Variants in PCNX2 observed in about 807,000 individuals in gnomAD.
The protein encoded by PCNX2 is pecanex-like protein 2.
In PCNX2, 168 loss-of-function variants were observed where a neutral mutation model predicts 223.8. The observed-to-expected ratio is 0.75, with a 90% CI of 0.66 to 0.85. The LOEUF (loss-of-function observed/expected upper bound fraction) is 0.85, where lower values mean the gene tolerates loss of function less well. Among genes scored for constraint, PCNX2 ranks in the 40% least tolerant of loss-of-function variants. The probability of loss-of-function intolerance (pLI) is 0.00; values close to 1 mark genes in which losing one functional copy is unlikely to be tolerated. For synonymous variants in PCNX2, 1,006 were observed against 1,052.6 expected (o/e 0.96, Z 0.86); for missense variants, 2,507 against 2,675.5 (o/e 0.94, Z 1.39).
At chr1:233,070,054 A>G (rs1167700762) in intron 23 of PCNX2, among the ~76,000 whole-genome samples, 1 of 152,192 alleles carries the variant, frequency 6.6e-6, no homozygotes, top group Admixed American at 6.5e-5. Flanking sequence ...GCCAGTATCA[A>G]AAAGATAATA....
rs542476982 is a variant in PCNX2, at chr1:233,000,041, C to G, written c.5328+264G>C. On this transcript the variant is annotated intron_variant, in intron 30 of 33. Coordinates refer to ENST00000258229, the MANE Select transcript of PCNX2 (RefSeq NM_014801.4). This position sits in a 1 kb window ranked among gnomAD's most constrained non-coding sequence, Gnocchi z 4.6. ...TCCTGACTCTCACTTACATGTGTGT[C>G]TACTGGGTCTTCTTGGCAAAGTCTG... is the stretch of plus-strand genomic sequence containing the variant. Among the ~76,000 whole-genome samples the G allele has an allele frequency of 5.9e-5, 9 of 152,302 alleles. No individual in the cohort carries two copies. In the South Asian group the frequency reaches 1.7e-3, roughly 28 times the overall value.
chr1:233,055,252 G>A (rs2102877215), intron 24 of PCNX2, among the ~76,000 whole-genome samples: 1 of 152,188 alleles, frequency 6.6e-6, no homozygotes, highest in East Asian at 1.9e-4. Context: ...GTGATTGAGA[G>A]CTCTAATTCT....
chr1:233,057,906 G>A, intron 23 of PCNX2: 1 of 984,852 alleles, frequency 1.0e-6, no homozygotes, highest in Non-Finnish European at 1.2e-6. Flanking sequence ...CCCACTTTCA[G>A]AACTTGAGAA....
At position 233,177,693 on chromosome 1, in the gene PCNX2, T is replaced by G. The variant is rs1572025570; in HGVS notation, c.3273+109A>C. On this transcript the variant is annotated intron_variant, in intron 17 of 33. Transcript: ENST00000258229. ...CCAGGTACCAAGCGAGGTGTATCTT[T>G]CTGTCCTAGTCCTTCTCATGTCCAC... 31 of 894,490 alleles carry G rather than the reference T, an allele frequency of 3.5e-5. No individual in the cohort carries two copies. In the East Asian group the frequency reaches 7.7e-4, roughly 22 times the overall value. The allele number at this position is 894,490 out of a possible 1,614,324, so 55.4% of individuals were successfully genotyped here. A position where few individuals can be genotyped will look rare whatever the true frequency, so the allele number is the denominator to read the frequency against.
chr1:233,295,882 C>A (rs146092622), upstream of PCNX2, among the ~76,000 whole-genome samples: 641 of 152,124 alleles, frequency 4.2e-3, 1 homozygote, highest in Non-Finnish European at 7.7e-3. The surrounding 1 kb of genome is among the most constrained non-coding windows in gnomAD (Gnocchi z 4.1). Context: ...CTTTTTCTCT[C>A]TTTCTTTCTC....
At chr1:233,298,197 AACACACAAGCAGGAC>A (rs985960082), upstream of PCNX2, among the ~76,000 whole-genome samples, 6 of 152,150 alleles carry the variant, frequency 3.9e-5, no homozygotes, top group Non-Finnish European at 8.8e-5. Flanking sequence ...ACAAGGATTA[AACACACAAGCAGGAC>A]AAAAGAGGGA....
intron 19 of PCNX2, among the ~76,000 whole-genome samples, chr1:233,141,665 T>TC (rs1265334030): frequency 6.6e-6 from 1 of 151,852 alleles, no homozygotes; most frequent in East Asian, 1.9e-4. Context: ...AGAGAGAGAC[T>TC]CCATCTCAGA....
At chr1:233,014,854 A>G in intron 27 of PCNX2, 77 bp from the exon 28 acceptor site, 2 of 1,214,498 alleles carry the variant, frequency 1.6e-6, no homozygotes, top group Non-Finnish European at 2.4e-6. Flanking sequence ...ATGTAGAGTG[A>G]CATTGGCTTT....
rs114154868 is a variant in PCNX2, at chr1:233,227,138, G to A, written c.2504+88C>T. On this transcript the variant is annotated intron_variant, in intron 10 of 33. Coordinates refer to ENST00000258229, the MANE Select transcript of PCNX2 (RefSeq NM_014801.4). ...GCGTACAACTTGAAAATGTGCAAGT[G>A]ACAATGTTCTCTTTGAAAGCATGCA... 1,613 of 1,385,872 alleles carry A rather than the reference G, an allele frequency of 1.2e-3. 14 individuals carry two copies. The African/African-American group carries it at 0.02, about 17-fold the overall frequency. 85.8% of individuals were successfully genotyped at this position (1,385,872 alleles called of 1,614,324 possible).
At chr1:233,306,983 T>C in the PCNX2 span, among the ~76,000 whole-genome samples, 6 of 152,208 alleles carry the variant, frequency 3.9e-5, no homozygotes, top group Non-Finnish European at 7.3e-5. Context: ...TAAAAAGATA[T>C]ATATTATGGT....
chr1:233,098,355 C>A (rs1242672818), intron 21 of PCNX2, among the ~76,000 whole-genome samples: 2 of 152,148 alleles, frequency 1.3e-5, no homozygotes, highest in Non-Finnish European at 2.9e-5. Flanking sequence ...TTAAATGAAT[C>A]CATTACAATT....
At chr1:233,210,281 A>C (rs2102914698) in intron 12 of PCNX2, among the ~76,000 whole-genome samples, 1 of 151,966 alleles carries the variant, frequency 6.6e-6, no homozygotes, top group African/African-American at 2.4e-5. Flanking sequence ...AGGCACACAA[A>C]CCACTTTTTT....
chr1:233,076,547 G>A (rs1026481767), intron 23 of PCNX2, among the ~76,000 whole-genome samples: 2 of 152,112 alleles, frequency 1.3e-5, no homozygotes, highest in African/African-American at 2.4e-5. Context: ...GGGATTTGGC[G>A]TTAATAAAAT....
At chr1:233,111,602 C>T (rs897656691) in intron 21 of PCNX2, among the ~76,000 whole-genome samples, 12 of 152,044 alleles carry the variant, frequency 7.9e-5, no homozygotes, top group Non-Finnish European at 1.6e-4. Flanking sequence ...TGGAGTCTCC[C>T]TATGTTGTCC....
At chr1:233,081,358 A>T (rs1673352110) in intron 23 of PCNX2, among the ~76,000 whole-genome samples, 1 of 151,442 alleles carries the variant, frequency 6.6e-6, no homozygotes, top group Non-Finnish European at 1.5e-5. Flanking sequence ...AAATAAAAAA[A>T]TAAAAATAAA....
chr1:233,156,100 C>T (rs1319906241), intron 19 of PCNX2, among the ~76,000 whole-genome samples: 1 of 152,116 alleles, frequency 6.6e-6, no homozygotes, highest in African/African-American at 2.4e-5. Context: ...TCTCCTAATT[C>T]AAATATTGGT....
At chr1:233,273,769 G>A (rs917127394) in intron 1 of PCNX2, among the ~76,000 whole-genome samples, 10 of 151,738 alleles carry the variant, frequency 6.6e-5, no homozygotes, top group African/African-American at 1.5e-4. Flanking sequence ...GATTACAGGC[G>A]CCTGCCACTA....
chr1:233,065,701 CCT>C, intron 23 of PCNX2: 1 of 152,094 alleles, frequency 6.6e-6, no homozygotes, highest in East Asian at 1.9e-4. Context: ...TCAACAAACC[CCT>C]GATCTGTCTA....
At chr1:233,291,785 T>A in intron 1 of PCNX2, 2 of 984,298 alleles carry the variant, frequency 2.0e-6, no homozygotes, top group Non-Finnish European at 2.4e-6. Context: ...ACACATGTAA[T>A]AAGTGACAAT....
Sources: gnomAD v4.1 joint callset for allele counts (sites outside exome capture counted in the v4.1 genomes callset) on GRCh38, gnomAD v4.1.1 for gene constraint, Gnocchi (gnomAD v3.1) non-coding constraint, MANE v1.5 for transcripts, NCBI Gene and HGNC (gene_info 2026-07-23, HGNC 2026-07-21) for gene names.